The following PRSS53 variants were observed in gnomAD, a reference collection of about 807,000 sequenced individuals.
PRSS53 encodes serine protease 53, also known as EDTP308.
In PRSS53, 54 loss-of-function variants were observed where a neutral mutation model predicts 62.7. That is an observed-to-expected ratio of 0.86 (90% CI 0.69 to 1.08). PRSS53 has a LOEUF of 1.08. Among genes scored for constraint, PRSS53 ranks in the 50% least tolerant of loss-of-function variants. The probability of loss-of-function intolerance (pLI) is 0.00; values close to 1 mark genes in which losing one functional copy is unlikely to be tolerated. For synonymous variants in PRSS53, 273 were observed against 300.0 expected, an observed-to-expected ratio of 0.91 and a Z score of 0.93; for missense variants, 688 against 728.3, an observed-to-expected ratio of 0.94 and a Z score of 0.64.
rs1230903282 is a variant in PRSS53 at position 31,085,385 on chromosome 16, A to G, written c.884-125T>C. 2.6e-6 allele frequency: 3 copies of G among 1,138,960 alleles called. No individual in the cohort carries two copies. In the African/African-American group the frequency reaches 4.7e-5, roughly 18 times the overall value. 70.6% of individuals were successfully genotyped at this position (1,138,960 alleles called of 1,614,324 possible). On this transcript the variant is annotated intron_variant, in intron 6 of 10. Coordinates refer to ENST00000280606, the Ensembl canonical transcript of PRSS53. ...TTACTGAAGGTAACCAAAGTTCCAGAGAGGTTAAGAGACTTCCTTGCTCTG... is the reference window on the plus strand; with the variant it reads ...TTACTGAAGGTAACCAAAGTTCCAGGGAGGTTAAGAGACTTCCTTGCTCTG...
At chr16:31,084,756 A>C (rs2057211963) in intron 8 of PRSS53, 24 bp downstream of exon 8, 1 of 1,586,486 alleles carries the variant, frequency 6.3e-7, no homozygotes, top group Admixed American at 1.7e-5. Context: ...GATGGACAGC[A>C]GCCCTGGCCC....
intron 6 of PRSS53, 81 bp from the exon 7 acceptor site, chr16:31,085,341 T>C (rs2057221490): frequency 2.8e-6 from 4 of 1,419,870 alleles, no homozygotes; most frequent in Non-Finnish European, 3.7e-6. Context: ...GCTTTTGAAA[T>C]TGAATTTTGT....
rs762879677 is a variant in PRSS53 at position 31,086,286 on chromosome 16, G to A, written c.663+51C>T. On this transcript the variant is annotated intron_variant, in intron 5 of 10. Transcript: ENST00000280606. ...CCCAGTCCTGTGAGTCCAACCCCCA[G>A]CCCAGGGTTAGGCCCCTCCCCTTCT... is the stretch of plus-strand genomic sequence containing the variant. 8.2e-6 allele frequency: 13 copies of A among 1,583,670 alleles called. No homozygotes were observed. The Middle Eastern group carries it at 6.4e-4, about 77-fold the overall frequency.
At chr16:31,084,044 G>A in intron 10 of PRSS53, 75 bp downstream of exon 10, 1 of 1,521,246 alleles carries the variant, frequency 6.6e-7, no homozygotes, top group Non-Finnish European at 8.8e-7. Flanking sequence ...GAGTGGGTTA[G>A]AACGGCACGT....
exon 3 of PRSS53, chr16:31,087,681 G>A (rs758103503): frequency 6.2e-7 from 1 of 1,612,362 alleles, no homozygotes; most frequent in South Asian, 1.1e-5. Flanking sequence ...GGGGGGGCCG[G>A]GGCCACGCTG....
At chr16:31,083,576 A>G (rs1459070802) in exon 11 of PRSS53, 2 of 1,440,812 alleles carry the variant, frequency 1.4e-6, no homozygotes, top group Non-Finnish European at 1.8e-6. Flanking sequence ...CCTGCTTGGT[A>G]GCAGAGTTGG....
At chr16:31,083,956 C>T in intron 10 of PRSS53, 147 bp from the exon 11 acceptor site, 1 of 1,511,280 alleles carries the variant, frequency 6.6e-7, no homozygotes, top group Non-Finnish European at 8.9e-7. Flanking sequence ...GCAGCCTGCT[C>T]CAAGTCACAC....
Position 31,085,861 on chromosome 16 carries a change from CT to C in PRSS53, c.883+102del, listed in dbSNP as rs946345089. ...CCATCCCAGGGGGTGAAAGAGCCCC[CT>C]AATTAGGCTCGGCGGTGTGGATGCC... On this transcript the variant is annotated intron_variant, in intron 6 of 10. Coordinates refer to ENST00000280606, the Ensembl canonical transcript of PRSS53. 4 of 1,078,158 alleles carry C rather than the reference CT, an allele frequency of 3.7e-6. No individual in the cohort carries two copies. In the Admixed American group the frequency reaches 7.4e-5, roughly 20 times the overall value. 66.8% of individuals were successfully genotyped at this position (1,078,158 alleles called of 1,614,324 possible). A position where few individuals can be genotyped will look rare whatever the true frequency, so the allele number is the denominator to read the frequency against.
chr16:31,083,934 CAA>C, intron 10 of PRSS53, 125 bp from the exon 11 acceptor site: 1 of 1,539,830 alleles, frequency 6.5e-7, no homozygotes, highest in Non-Finnish European at 8.8e-7. Context: ...TACTGAGGCT[CAA>C]AGCGGTTGAG....
chr16:31,087,831 G>A lies in PRSS53; in HGVS notation c.59-5C>T, dbSNP rs746278751. ...CACGCTGAGCGGCTTGAAGACCTGG[G>A]AAGAGAGAGACACAGGTAAGATGCA... On this transcript the variant is annotated splice_region_variant and splice_polypyrimidine_tract_variant and intron_variant, in intron 1 of 10. Transcript: ENST00000280606. 6 of 1,613,754 alleles carry A rather than the reference G, an allele frequency of 3.7e-6. No individual in the cohort carries two copies. The African/African-American group carries it at 4.0e-5, about 11-fold the overall frequency.
At chr16:31,088,818 G>T (rs755637656) in exon 1 of PRSS53, 1 of 1,613,448 alleles carries the variant, frequency 6.2e-7, no homozygotes. Flanking sequence ...ATGCTGCCCC[G>T]GGCCACTCTG....
In PRSS53 at chr16:31,086,402, A is replaced by G. The variant is rs777361925; in HGVS notation, c.598T>C (p.Ser200Pro). 3 of 1,614,062 alleles carry G rather than the reference A, an allele frequency of 1.9e-6. No individual in the cohort carries two copies. The South Asian group carries it at 3.3e-5, about 18-fold the overall frequency. The stretch of plus-strand genomic sequence containing the variant: ...AGCATCCCAGGCCGGGCCGGGTTGG[A>G]CAGGTGTCGCTGGTGCAGCTGGTTG... Residue 200 changes from serine (S) to proline (P), a missense_variant, in exon 5 of 11, where the codon TCC (serine) becomes CCC (proline). Transcript: ENST00000280606.
rs200107797 is a variant in PRSS53, at chr16:31,087,567, C to T, written c.212G>A (p.Trp71Ter). The T allele has an allele frequency of 4.3e-5, 70 of 1,613,210 alleles. No homozygotes were observed. The highest frequency in any genetic ancestry group is 1.9e-5 in the Non-Finnish European group (23 of 1,179,756). Residue 71 changes from tryptophan (W) to a stop codon, truncating the protein, a stop_gained, in exon 3 of 11, where the codon TGG (tryptophan) becomes TAG (stop). Transcript: ENST00000280606. LOFTEE classifies it high-confidence loss of function. Reference sequence around the variant, plus strand: ...AAAGCAGTGGGCAGCAGTGAGGACCCAGGTGTCTGCCACCAGGGAGCCGCT... The same window carrying T: ...AAAGCAGTGGGCAGCAGTGAGGACCTAGGTGTCTGCCACCAGGGAGCCGCT...
chr16:31,085,056 G>A, intron 7 of PRSS53, 32 bp from the exon 8 acceptor site: 1 of 1,610,514 alleles, frequency 6.2e-7, no homozygotes, highest in Non-Finnish European at 8.5e-7. Flanking sequence ...GGCACCAGGT[G>A]ACAGGGCTGC....
exon 2 of PRSS53, chr16:31,087,817 G>A (rs771626495): frequency 6.2e-7 from 1 of 1,613,974 alleles, no homozygotes; most frequent in Non-Finnish European, 8.5e-7. Context: ...ACGCTGAGCG[G>A]CTTGAAGACC....
chr16:31,084,097 A>G (rs773919860), intron 10 of PRSS53, 22 bp downstream of exon 10: 2 of 1,555,032 alleles, frequency 1.3e-6, no homozygotes, highest in African/African-American at 2.7e-5. Flanking sequence ...AGGGTTTGGC[A>G]GGAGGCCCCG....
In PRSS53 at chr16:31,088,319, A is replaced by G. The variant is rs1028259963; in HGVS notation, c.58+433T>C. The G allele has an allele frequency of 4.1e-5, 46 of 1,116,084 alleles. No homozygotes were observed. The African/African-American group carries it at 7.1e-4, about 17-fold the overall frequency. The allele number at this position is 1,116,084 out of a possible 1,614,324, so 69.1% of individuals were successfully genotyped here. ...CCCACCTTCCCAGAAACTGTCTGAG[A>G]GCCCGCCAGAGAGAGGGCCCCTGCC... On this transcript the variant is annotated intron_variant, in intron 1 of 10. Coordinates refer to ENST00000280606, the Ensembl canonical transcript of PRSS53.
Position 31,086,814 on chromosome 16 carries a change from C to G in PRSS53, c.327G>C (p.Val109=), listed in dbSNP as rs770365663. The G allele has an allele frequency of 1.9e-6, 3 of 1,613,696 alleles. No individual in the cohort carries two copies. The South Asian group carries it at 3.3e-5, about 18-fold the overall frequency. The change falls in exon 4 of 11, where the codon GTG becomes GTC. Residue 109 remains valine, a synonymous_variant. Transcript: ENST00000280606. Reference sequence around the variant, plus strand: ...TGGGCAACTGCAGGGCAGCCACCCCCACCTCTTCGGCCCCAGGGCTGAGTC... The same window carrying G: ...TGGGCAACTGCAGGGCAGCCACCCCGACCTCTTCGGCCCCAGGGCTGAGTC...
At chr16:31,087,953 C>T (rs2057252294) in intron 1 of PRSS53, 127 bp from the exon 2 acceptor site, 19 of 1,546,686 alleles carry the variant, frequency 1.2e-5, no homozygotes, top group South Asian at 5.9e-5. Flanking sequence ...TTACCAGCCC[C>T]TCCCAGAATG....
Sources: gnomAD v4.1 joint callset for allele counts on GRCh38, gnomAD v4.1.1 for gene constraint, MANE v1.5 for transcripts, NCBI Gene and HGNC (gene_info 2026-07-23, HGNC 2026-07-21) for gene names.